Variants in DDX19A observed in about 807,000 individuals in gnomAD.
The protein encoded by DDX19A is ATP-dependent RNA helicase DDX19A.
DDX19A carries 12 observed loss-of-function variants against 60.6 expected under a neutral mutation model. The ratio of observed to expected loss-of-function variants is 0.20; its 90% CI spans 0.13 to 0.32. The LOEUF (loss-of-function observed/expected upper bound fraction) is 0.32. Ranked by LOEUF, DDX19A falls within the 10% of genes least tolerant of loss-of-function variation. The pLI is 1.00. For synonymous variants in DDX19A, 206 were observed against 218.2 expected (o/e 0.94, Z 0.49); for missense variants, 337 against 600.6 (o/e 0.56, Z 4.59).
chr16:70,361,351 A>G, intron 4 of DDX19A, 67 bp from the exon 5 acceptor site: 2 of 1,153,982 alleles, frequency 1.7e-6, no homozygotes, highest in South Asian at 1.2e-5. Context: ...AGAAAAAGAT[A>G]AGATTCTAGG....
Position 70,346,966 on chromosome 16 carries a change from CAA to C in DDX19A, c.-25_-24del, listed in dbSNP as rs143242388. The stretch of plus-strand genomic sequence containing the variant: ...CGACGTGGTGCAGCGCATATTTTCA[CAA>C]GTGGGTCTCCCTTGTCCGGGACTAT... On this transcript the variant is annotated 5_prime_UTR_variant, in exon 1 of 12. Coordinates refer to ENST00000302243, the MANE Select transcript of DDX19A (RefSeq NM_018332.5). The C allele has an allele frequency of 2.5e-3, 3,995 of 1,608,192 alleles. 71 individuals carry two copies. In the African/African-American group the frequency reaches 0.046, roughly 18 times the overall value.
chr16:70,350,533 C>G (rs1391929762), intron 1 of DDX19A, 24 bp from the exon 2 acceptor site: 1 of 1,597,834 alleles, frequency 6.3e-7, no homozygotes, highest in Non-Finnish European at 8.5e-7. Flanking sequence ...TTGCTTAACT[C>G]TGTTTTCTTT....
Position 70,365,066 on chromosome 16 carries a change from T to C in DDX19A, c.539T>C (p.Val180Ala), listed in dbSNP as rs759821766. Residue 180 changes from valine to alanine, a missense_variant, in exon 7 of 12, where the codon GTG becomes GCG. This residue lies in a region of DDX19A where 62 missense variants were observed against 75.7 expected (regional missense o/e 0.82). Transcript: ENST00000302243. Reference protein sequence around the residue: ...TYELALQTGKVIEQMGKFYPE... With the variant: ...TYELALQTGKAIEQMGKFYPE... ...GAGCTGGCGCTTCAAACAGGAAAAG[T>C]GATTGAGCAGATGGGCAAATTTTAC... 1.8e-5 allele frequency: 29 copies of C among 1,614,020 alleles called. No homozygotes were observed. The highest frequency in any genetic ancestry group is 2.1e-5 in the Non-Finnish European group (25 of 1,180,038).
At chr16:70,351,566 G>A (rs1017780250) in intron 2 of DDX19A, among the ~76,000 whole-genome samples, 2 of 151,018 alleles carry the variant, frequency 1.3e-5, no homozygotes, top group African/African-American at 2.4e-5. Context: ...ACTCTGCCAC[G>A]CAGGCCGGAG....
At chr16:70,364,323 T>G in intron 5 of DDX19A, 3 of 512,046 alleles carry the variant, frequency 5.9e-6, no homozygotes, top group Non-Finnish European at 1.1e-5. Flanking sequence ...GAGAATTTCT[T>G]GGTGTGAGCC....
intron 8 of DDX19A, 74 bp from the exon 9 acceptor site, chr16:70,366,550 C>G: frequency 6.3e-7 from 1 of 1,592,066 alleles, no homozygotes; most frequent in Non-Finnish European, 8.6e-7. Context: ...TCTAGACCCT[C>G]CCAGCTGGGG....
At chr16:70,367,045 T>C (rs1225219368) in intron 9 of DDX19A, among the ~76,000 whole-genome samples, 184 bp downstream of exon 9, 3 of 152,148 alleles carry the variant, frequency 2.0e-5, no homozygotes, top group South Asian at 2.1e-4. Flanking sequence ...AGCCTAAAGA[T>C]AGAGCCCCTG....
intron 4 of DDX19A, chr16:70,356,818 A>G (rs1160222493): frequency 8.7e-7 from 1 of 1,146,282 alleles, no homozygotes; most frequent in Non-Finnish European, 1.1e-6. Context: ...TATCATAGCT[A>G]AAAGTCTTAT....
At chr16:70,365,364 T>G in intron 7 of DDX19A, 1 of 344,452 alleles carries the variant, frequency 2.9e-6, no homozygotes, top group Non-Finnish European at 5.3e-6. Context: ...GCTCACAGAG[T>G]TCTTAATATC....
chr16:70,351,348 G>A (rs936540504), intron 2 of DDX19A, among the ~76,000 whole-genome samples: 45 of 151,714 alleles, frequency 3.0e-4, no homozygotes, highest in Non-Finnish European at 4.0e-4. Context: ...TGAGACTACA[G>A]GCATCCACCA....
chr16:70,371,271 C>T, intron 10 of DDX19A, 101 bp from the exon 11 acceptor site: 1 of 1,605,060 alleles, frequency 6.2e-7, no homozygotes, highest in Non-Finnish European at 8.5e-7. Context: ...CAAATTCTTT[C>T]CCTCTATCCC....
intron 2 of DDX19A, among the ~76,000 whole-genome samples, chr16:70,350,901 G>A (rs149993927): frequency 0.011 from 1,669 of 148,242 alleles, 25 homozygotes; most frequent in African/African-American, 0.035. Flanking sequence ...ATTTTGAGAC[G>A]GAGTCTCGCT....
At chr16:70,371,057 G>A in intron 10 of DDX19A, 1 of 489,766 alleles carries the variant, frequency 2.0e-6, no homozygotes, top group South Asian at 2.5e-5. Flanking sequence ...CTGACTTGGT[G>A]GAAGGAAATG....
Position 70,370,025 on chromosome 16 carries a change from A to G in DDX19A, c.1021-198A>G, listed in dbSNP as rs183864919. Among the ~76,000 whole-genome samples the G allele has an allele frequency of 9.2e-5, 14 of 152,270 alleles. No individual in the cohort carries two copies. In the East Asian group the frequency reaches 2.7e-3, roughly 29 times the overall value. On this transcript the variant is annotated intron_variant, in intron 9 of 11. Coordinates refer to ENST00000302243, the MANE Select transcript of DDX19A (RefSeq NM_018332.5). ...CTTTTAGCTGCTAAGTTTCAGGTACAGTCTTCCAGATCAAAAATATCTTCA... is the reference window on the plus strand; with the variant it reads ...CTTTTAGCTGCTAAGTTTCAGGTACGGTCTTCCAGATCAAAAATATCTTCA...
intron 7 of DDX19A, chr16:70,365,730 T>A (rs1964500087): frequency 2.8e-6 from 1 of 352,920 alleles, no homozygotes; most frequent in South Asian, 2.5e-5. Flanking sequence ...CAGTGAGCCA[T>A]GACTGTGTCA....
At position 70,371,283 on chromosome 16, in the gene DDX19A, A is replaced by G. The variant is rs1324993803; in HGVS notation, c.1184-89A>G. On this transcript the variant is annotated intron_variant, in intron 10 of 11. Coordinates refer to ENST00000302243, the MANE Select transcript of DDX19A (RefSeq NM_018332.5). ...TCCCAAATTCTTTCCCTCTATCCCA[A>G]AGTTGGTACGCATTGACCTACCTAT... is the stretch of plus-strand genomic sequence containing the variant. The G allele has an allele frequency of 2.5e-6, 4 of 1,611,224 alleles. No homozygotes were observed. In the African/African-American group the frequency reaches 4.0e-5, roughly 16 times the overall value.
chr16:70,357,591 G>A (rs1964252303), intron 4 of DDX19A, among the ~76,000 whole-genome samples: 1 of 151,448 alleles, frequency 6.6e-6, no homozygotes, highest in African/African-American at 2.4e-5. Context: ...TCACTATGTT[G>A]GGCAGGCTGG....
At chr16:70,359,517 A>G (rs1964309739) in intron 4 of DDX19A, among the ~76,000 whole-genome samples, 1 of 152,296 alleles carries the variant, frequency 6.6e-6, no homozygotes, top group South Asian at 2.1e-4. Context: ...TGTAAATGCA[A>G]TGTAAGAGCA....
chr16:70,363,264 C>T (rs922972019), intron 5 of DDX19A: 1 of 152,016 alleles, frequency 6.6e-6, no homozygotes, highest in Admixed American at 6.6e-5. Flanking sequence ...AAGTGATTCT[C>T]CTGCCTCAGC....
Sources: gnomAD v4.1 joint callset for allele counts (sites outside exome capture counted in the v4.1 genomes callset) on GRCh38, gnomAD v4.1.1 for gene constraint, gnomAD v4.1.1 regional missense constraint, MANE v1.5 for transcripts, NCBI Gene and HGNC (gene_info 2026-07-23, HGNC 2026-07-21) for gene names.